The following NCOA2 variants were observed in gnomAD, a reference collection of about 807,000 sequenced individuals.
NCOA2 encodes class E basic helix-loop-helix protein 75.
A neutral mutation model predicts 145.1 loss-of-function variants in NCOA2; 21 were observed. The ratio of observed to expected loss-of-function variants is 0.14; its 90% CI spans 0.10 to 0.21. The LOEUF (loss-of-function observed/expected upper bound fraction) is 0.21. Among genes scored for constraint, NCOA2 ranks in the 10% least tolerant of loss-of-function variants. The pLI, the probability that NCOA2 is intolerant of heterozygous loss-of-function variation, is 1.00. For synonymous variants in NCOA2, 619 were observed against 637.5 expected (o/e 0.97, Z 0.44); for missense variants, 1,472 against 1,837.6 (o/e 0.80, Z 3.64).
chr8:70,113,559 A>G lies in NCOA2; in HGVS notation c.*73T>C, dbSNP rs1382494546. On this transcript the variant is annotated 3_prime_UTR_variant, in exon 23 of 23. Transcript: ENST00000452400. Reference sequence around the variant, plus strand: ...GTCAGTTGGGTTGAAACAAATAGACACAGCTCTCCAGACTGGAAGTGTTTT... The same window carrying G: ...GTCAGTTGGGTTGAAACAAATAGACGCAGCTCTCCAGACTGGAAGTGTTTT... The G allele has an allele frequency of 1.3e-6, 2 of 1,512,808 alleles. No individual in the cohort carries two copies. The highest frequency in any genetic ancestry group is 3.9e-5 in the Admixed American group (2 of 50,892). 93.7% of individuals were successfully genotyped at this position (1,512,808 alleles called of 1,614,324 possible).
intron 6 of NCOA2, among the ~76,000 whole-genome samples, chr8:70,169,782 A>G (rs925846141): frequency 6.6e-6 from 1 of 152,150 alleles, no homozygotes; most frequent in Non-Finnish European, 1.5e-5. Context: ...AAAAAATACA[A>G]CAATCTTAAT....
At chr8:70,290,276 C>T (rs902605252) in intron 2 of NCOA2, among the ~76,000 whole-genome samples, 1 of 151,318 alleles carries the variant, frequency 6.6e-6, no homozygotes, top group African/African-American at 2.4e-5. Flanking sequence ...ACCAGCTCCG[C>T]CTCCTGGGTT....
intron 1 of NCOA2, among the ~76,000 whole-genome samples, chr8:70,370,868 G>A (rs933101072): frequency 3.9e-5 from 6 of 152,174 alleles, no homozygotes; most frequent in African/African-American, 1.4e-4. Context: ...TAAATGGTGT[G>A]TGAATCAACT....
At chr8:70,231,506 T>TC (rs1359661685) in intron 2 of NCOA2, among the ~76,000 whole-genome samples, 1 of 152,234 alleles carries the variant, frequency 6.6e-6, no homozygotes, top group African/African-American at 2.4e-5. Flanking sequence ...ACCATAGTTT[T>TC]CCTGGCTCCG....
chr8:70,226,667 T>G (rs923231461), intron 2 of NCOA2, among the ~76,000 whole-genome samples: 1 of 149,240 alleles, frequency 6.7e-6, no homozygotes, highest in Non-Finnish European at 1.5e-5. Context: ...TATTTATATA[T>G]ATATATATAT....
intron 2 of NCOA2, among the ~76,000 whole-genome samples, chr8:70,260,592 CATT>C (rs1368472043): frequency 6.6e-5 from 10 of 152,300 alleles, no homozygotes; most frequent in African/African-American, 2.4e-4. Flanking sequence ...TTGCTTTAAA[CATT>C]ATAATGAACA....
intron 5 of NCOA2, among the ~76,000 whole-genome samples, 170 bp from the exon 6 acceptor site, chr8:70,170,549 G>A (rs1814133010): frequency 6.6e-6 from 1 of 152,174 alleles, no homozygotes; most frequent in Non-Finnish European, 1.5e-5. Flanking sequence ...TTTTCTCTTG[G>A]TGAAATAGAA....
At chr8:70,199,750 C>T (rs553378967) in intron 4 of NCOA2, among the ~76,000 whole-genome samples, 1 of 152,306 alleles carries the variant, frequency 6.6e-6, no homozygotes, top group South Asian at 2.1e-4. Context: ...GGTCCCAGGC[C>T]ACATCCTGCC....
intron 2 of NCOA2, among the ~76,000 whole-genome samples, chr8:70,288,302 C>T (rs564848054): frequency 7.8e-4 from 118 of 151,938 alleles, no homozygotes; most frequent in Non-Finnish European, 1.4e-3. Context: ...GGAAATAGGC[C>T]GGTGTGTGGC....
At chr8:70,253,146 G>A (rs546445200) in intron 2 of NCOA2, among the ~76,000 whole-genome samples, 1 of 152,288 alleles carries the variant, frequency 6.6e-6, no homozygotes, top group East Asian at 1.9e-4. Context: ...CAGTCACAGT[G>A]GCAAGCATGG....
intron 1 of NCOA2, among the ~76,000 whole-genome samples, chr8:70,387,234 T>A (rs1338645568): frequency 6.6e-6 from 1 of 152,220 alleles, no homozygotes; most frequent in Non-Finnish European, 1.5e-5. Context: ...GCTATTCATA[T>A]AACACACTGT....
At chr8:70,267,377 ATC>A (rs999418934) in intron 2 of NCOA2, among the ~76,000 whole-genome samples, 1 of 148,754 alleles carries the variant, frequency 6.7e-6, no homozygotes, top group African/African-American at 2.5e-5. Flanking sequence ...GCTAATAAAG[ATC>A]TGTTTCCTTT....
intron 4 of NCOA2, among the ~76,000 whole-genome samples, chr8:70,212,400 T>C (rs1819131297): frequency 6.6e-6 from 1 of 152,114 alleles, no homozygotes; most frequent in Middle Eastern, 3.2e-3. Context: ...AGACGAGTGA[T>C]GAAGGGGACT....
intron 2 of NCOA2, among the ~76,000 whole-genome samples, chr8:70,276,540 C>T (rs931592857): frequency 3.3e-5 from 5 of 152,050 alleles, no homozygotes; most frequent in Non-Finnish European, 1.5e-5. Context: ...GAGGTGGTTT[C>T]CCCCATCCTA....
rs180856629 is a variant in NCOA2, at chr8:70,146,476, A to G, written c.2606-1628T>C. 9.9e-3 allele frequency among the ~76,000 whole-genome samples: 1,502 copies of G among 152,342 alleles called. 13 individuals are homozygous for G. The highest frequency in any genetic ancestry group is 0.014 in the Non-Finnish European group (982 of 68,018). The stretch of plus-strand genomic sequence containing the variant: ...GTCTGAAATAGCACATTTAAAAGAA[A>G]AAGTTCTTAACCATCAATGATAGAA... On this transcript the variant is annotated intron_variant, in intron 12 of 22. Coordinates refer to ENST00000452400, the MANE Select transcript of NCOA2 (RefSeq NM_006540.4).
intron 11 of NCOA2, among the ~76,000 whole-genome samples, chr8:70,149,548 C>A (rs1372370872): frequency 1.3e-5 from 2 of 150,820 alleles, no homozygotes; most frequent in Non-Finnish European, 3.0e-5. Flanking sequence ...TCTACAGAAG[C>A]CATAAAAAAT....
At chr8:70,281,934 T>C (rs1307896266) in intron 2 of NCOA2, among the ~76,000 whole-genome samples, 1 of 152,254 alleles carries the variant, frequency 6.6e-6, no homozygotes, top group East Asian at 1.9e-4. Context: ...GTGTATGATA[T>C]AATTTCCTAT....
chr8:70,420,297 G>T, the NCOA2 span, among the ~76,000 whole-genome samples: 3 of 152,168 alleles, frequency 2.0e-5, no homozygotes, highest in Non-Finnish European at 4.4e-5. Flanking sequence ...AATACCGTTA[G>T]AAAAACACAT....
chr8:70,344,022 A>G (rs946749715), intron 1 of NCOA2, among the ~76,000 whole-genome samples: 2 of 152,118 alleles, frequency 1.3e-5, no homozygotes, highest in Non-Finnish European at 2.9e-5. Flanking sequence ...CCAGCAACAA[A>G]AGCCTTTTTA....
Sources: allele counts gnomAD v4.1 joint callset (sites outside exome capture counted in the v4.1 genomes callset), GRCh38; gene constraint gnomAD v4.1.1; transcripts MANE v1.5; gene names NCBI Gene and HGNC (gene_info 2026-07-23, HGNC 2026-07-21).